Variants in PDE4D observed in about 807,000 individuals in gnomAD.
The protein encoded by PDE4D is 3',5'-cyclic-AMP phosphodiesterase 4D.
Under a neutral mutation model 87.4 loss-of-function variants are expected in PDE4D, and 24 were observed. The ratio of observed to expected loss-of-function variants is 0.27; its 90% CI spans 0.20 to 0.39. The LOEUF (loss-of-function observed/expected upper bound fraction) is 0.39, where lower values mean the gene tolerates loss of function less well. Ranked by LOEUF, PDE4D falls within the 10% of genes least tolerant of loss-of-function variation. The pLI, the probability that PDE4D is intolerant of heterozygous loss-of-function variation, is 1.00. For synonymous variants in PDE4D, 384 were observed against 383.2 expected, an observed-to-expected ratio of 1.00 and a Z score of -0.02; for missense variants, 714 against 1,041.0, an observed-to-expected ratio of 0.69 and a Z score of 4.32.
intron 1 of PDE4D, among the ~76,000 whole-genome samples, chr5:59,765,199 G>C (rs1255227803): frequency 6.6e-6 from 1 of 152,160 alleles, no homozygotes; most frequent in Non-Finnish European, 1.5e-5. Context: ...TGGATCCATG[G>C]ATGATAGTTG....
At chr5:58,996,571 T>C (rs1749281610) in intron 6 of PDE4D, among the ~76,000 whole-genome samples, 1 of 152,108 alleles carries the variant, frequency 6.6e-6, no homozygotes, top group African/African-American at 2.4e-5. Flanking sequence ...TGCACTTCTC[T>C]CAATAAAGCA....
chr5:60,359,983 A>C (rs1759922989), intron 1 of PDE4D, among the ~76,000 whole-genome samples: 1 of 152,220 alleles, frequency 6.6e-6, no homozygotes, highest in South Asian at 2.1e-4. Flanking sequence ...AAGTTGCAGC[A>C]CTGTGCCAGT....
intron 2 of PDE4D, among the ~76,000 whole-genome samples, chr5:60,120,594 A>C (rs1778583568): frequency 6.6e-6 from 1 of 152,188 alleles, no homozygotes; most frequent in South Asian, 2.1e-4. Context: ...GTCTTGTGTC[A>C]GGTGGGCAGC....
chr5:59,285,568 C>T (rs140404519), intron 1 of PDE4D, among the ~76,000 whole-genome samples: 1 of 152,056 alleles, frequency 6.6e-6, no homozygotes, highest in East Asian at 1.9e-4. Flanking sequence ...TAAAGAAATA[C>T]ACTGGAAGAA....
intron 1 of PDE4D, among the ~76,000 whole-genome samples, chr5:59,692,522 A>T (rs535985369): frequency 6.6e-6 from 1 of 152,128 alleles, no homozygotes; most frequent in Non-Finnish European, 1.5e-5. Context: ...TCACGTACTG[A>T]GCTTTTAATA....
chr5:60,232,790 AT>A (rs1404735443), intron 1 of PDE4D, among the ~76,000 whole-genome samples: 5 of 151,868 alleles, frequency 3.3e-5, no homozygotes, highest in Non-Finnish European at 7.4e-5. Context: ...GAGCTAAAAT[AT>A]TTTCAAGTTT....
chr5:60,116,326 G>A (rs1778168982), intron 2 of PDE4D, among the ~76,000 whole-genome samples: 1 of 152,058 alleles, frequency 6.6e-6, no homozygotes, highest in South Asian at 2.1e-4. Flanking sequence ...TATAGGAGGA[G>A]CAATAGCATA....
At chr5:59,683,986 T>C (rs930222804) in intron 1 of PDE4D, among the ~76,000 whole-genome samples, 3 of 152,218 alleles carry the variant, frequency 2.0e-5, no homozygotes, top group African/African-American at 7.2e-5. Context: ...AGGCCAATTT[T>C]GCAGATTTCT....
At chr5:59,609,068 C>A (rs1366579815) in intron 1 of PDE4D, among the ~76,000 whole-genome samples, 4 of 152,096 alleles carry the variant, frequency 2.6e-5, no homozygotes, top group Admixed American at 2.0e-4. Context: ...TCGTGAGAGA[C>A]CCTTAGCCAG....
At chr5:60,290,502 A>G (rs994168147) in intron 1 of PDE4D, among the ~76,000 whole-genome samples, 2 of 152,216 alleles carry the variant, frequency 1.3e-5, no homozygotes, top group African/African-American at 4.8e-5. Context: ...GAAAAAATAC[A>G]TATAGAATAA....
intron 1 of PDE4D, among the ~76,000 whole-genome samples, chr5:59,726,763 C>A (rs1270784629): frequency 2.0e-5 from 3 of 152,084 alleles, no homozygotes; most frequent in African/African-American, 7.2e-5. Context: ...AACAATATAA[C>A]TTTTCAACAG....
chr5:59,398,005 C>A lies in PDE4D; in HGVS notation c.456-182037G>T, dbSNP rs1445828236. Among the ~76,000 whole-genome samples, 3 of 121,262 alleles carry A rather than the reference C, an allele frequency of 2.5e-5. 1 individual carries two copies. The highest frequency in any genetic ancestry group is 3.3e-5 in the African/African-American group (1 of 30,524). 79.6% of individuals were successfully genotyped at this position (121,262 alleles called of 152,430 possible). A position where few individuals can be genotyped will look rare whatever the true frequency, so the allele number is the denominator to read the frequency against. ...GAAGAAATGGATAAATTCCTTGACA[C>A]ATACACCCTCCCAAGACTAAACCAG... On this transcript the variant is annotated intron_variant, in intron 1 of 14. Coordinates refer to ENST00000340635, the MANE Select transcript of PDE4D (RefSeq NM_001104631.2).
intron 2 of PDE4D, among the ~76,000 whole-genome samples, chr5:60,002,402 C>T (rs1318139506): frequency 6.6e-6 from 1 of 152,082 alleles, no homozygotes; most frequent in African/African-American, 2.4e-5. Context: ...GAAGGGAACA[C>T]TTCCAAATTC....
chr5:60,479,704 G>A (rs543051750), intron 1 of PDE4D, among the ~76,000 whole-genome samples: 1 of 152,282 alleles, frequency 6.6e-6, no homozygotes, highest in East Asian at 1.9e-4. Context: ...AGCAGCAGTA[G>A]ATGACATATA....
chr5:59,146,682 C>A (rs1033435491), intron 5 of PDE4D, among the ~76,000 whole-genome samples: 2 of 151,468 alleles, frequency 1.3e-5, no homozygotes, highest in African/African-American at 4.9e-5. Flanking sequence ...TTGAGCAGTG[C>A]AATAGGATTA....
chr5:59,069,913 AT>A (rs1183216084), intron 5 of PDE4D, among the ~76,000 whole-genome samples: 1 of 152,200 alleles, frequency 6.6e-6, no homozygotes, highest in African/African-American at 2.4e-5. Context: ...TTTTTTACCC[AT>A]AATTCTACCA....
At chr5:59,150,183 G>T (rs1238476345) in intron 5 of PDE4D, among the ~76,000 whole-genome samples, 1 of 152,088 alleles carries the variant, frequency 6.6e-6, no homozygotes, top group Non-Finnish European at 1.5e-5. Flanking sequence ...TGGTTTTTCT[G>T]GGTGGAAGAA....
intron 1 of PDE4D, among the ~76,000 whole-genome samples, chr5:59,477,648 T>C (rs900046508): frequency 1.3e-5 from 2 of 152,084 alleles, no homozygotes; most frequent in African/African-American, 4.8e-5. Context: ...TGGAGATTTC[T>C]CAAAGAACTT....
At chr5:60,260,134 C>G (rs1443828482) in intron 1 of PDE4D, among the ~76,000 whole-genome samples, 1 of 151,950 alleles carries the variant, frequency 6.6e-6, no homozygotes, top group Non-Finnish European at 1.5e-5. Context: ...CCACCACCAC[C>G]TATTTTTAAA....
Sources: gnomAD v4.1 joint callset for allele counts (sites outside exome capture counted in the v4.1 genomes callset) on GRCh38, gnomAD v4.1.1 for gene constraint, MANE v1.5 for transcripts, NCBI Gene and HGNC (gene_info 2026-07-23, HGNC 2026-07-21) for gene names.